The following TNFRSF11A variants were observed in gnomAD, a reference collection of about 807,000 sequenced individuals.
The protein encoded by TNFRSF11A is tumor necrosis factor receptor superfamily member 11A.
TNFRSF11A carries 32 observed loss-of-function variants against 55.7 expected under a neutral mutation model. The observed-to-expected ratio is 0.57, with a 90% CI of 0.43 to 0.77. The LOEUF is 0.77. Among genes scored for constraint, TNFRSF11A ranks in the 30% least tolerant of loss-of-function variants. TNFRSF11A has a pLI of 0.00. For missense variants in TNFRSF11A, 753 were observed against 809.8 expected, an observed-to-expected ratio of 0.93 and a Z score of 0.85; for synonymous variants, 311 against 331.0, an observed-to-expected ratio of 0.94 and a Z score of 0.65.
intron 1 of TNFRSF11A, among the ~76,000 whole-genome samples, chr18:62,330,376 G>A (rs1233203068): frequency 6.6e-6 from 1 of 152,190 alleles, no homozygotes; most frequent in Non-Finnish European, 1.5e-5. Flanking sequence ...TTAGGCTGGG[G>A]GTTCCAGAAT....
At chr18:62,365,374 C>G (rs373933373) in intron 7 of TNFRSF11A, among the ~76,000 whole-genome samples, 1 of 152,140 alleles carries the variant, frequency 6.6e-6, no homozygotes, top group Non-Finnish European at 1.5e-5. Flanking sequence ...TAAAATTTAA[C>G]CTTTTAGGTT....
rs763347757 is a variant in TNFRSF11A at position 62,368,840 on chromosome 18, G to A, written c.923G>A (p.Cys308Tyr). 50 of 1,614,134 alleles carry A rather than the reference G, an allele frequency of 3.1e-5. No individual in the cohort carries two copies. The highest frequency in any genetic ancestry group is 3.8e-5 in the Non-Finnish European group (45 of 1,180,052). The part of the protein sequence containing the change: ...DMCYPDQGGV[C>Y]QGTCVGGGPY... ...TGCTACCCAGATCAAGGTGGTGTCT[G>A]TCAGGGCACATGTGTAGGAGGTGGT... The change falls in exon 9 of 10, where the codon TGT becomes TAT. Residue 308 changes from cysteine (C) to tyrosine (Y), a missense_variant. Transcript: ENST00000586569.
At chr18:62,330,609 G>A (rs1439833438) in intron 1 of TNFRSF11A, among the ~76,000 whole-genome samples, 1 of 152,158 alleles carries the variant, frequency 6.6e-6, no homozygotes, top group Non-Finnish European at 1.5e-5. Flanking sequence ...TAGGGGAAGA[G>A]TGTCCAGGGG....
intron 4 of TNFRSF11A, 22 bp from the exon 5 acceptor site, chr18:62,358,226 T>G (rs766783108): frequency 5.6e-5 from 17 of 305,782 alleles, no homozygotes; most frequent in Admixed American, 5.5e-4. Flanking sequence ...GTCTGGGTTG[T>G]TTTTTTTTTT....
intron 9 of TNFRSF11A, among the ~76,000 whole-genome samples, chr18:62,370,385 G>A (rs1910455516): frequency 6.6e-6 from 1 of 152,194 alleles, no homozygotes; most frequent in Non-Finnish European, 1.5e-5. Context: ...GGGCTTCACA[G>A]AATCCTCCAA....
intron 1 of TNFRSF11A, among the ~76,000 whole-genome samples, chr18:62,337,967 C>CA (rs1161044726): frequency 6.6e-6 from 1 of 152,066 alleles, no homozygotes; most frequent in African/African-American, 2.4e-5. Flanking sequence ...CAGAACTAGG[C>CA]AAAATTAAAT....
chr18:62,365,252 G>C (rs552573083), intron 7 of TNFRSF11A, among the ~76,000 whole-genome samples: 2 of 152,086 alleles, frequency 1.3e-5, no homozygotes, highest in Non-Finnish European at 2.9e-5. Context: ...GTGAGCCACC[G>C]GGTCCAGCCC....
At chr18:62,363,904 C>T (rs1444244449) in intron 7 of TNFRSF11A, among the ~76,000 whole-genome samples, 6 of 152,196 alleles carry the variant, frequency 3.9e-5, no homozygotes, top group East Asian at 1.9e-4. Context: ...AACTGGATGT[C>T]ATGACTGTTA....
At chr18:62,384,607 GGA>G (rs1163487323) in intron 9 of TNFRSF11A, 142 bp from the exon 10 acceptor site, 11 of 881,992 alleles carry the variant, frequency 1.2e-5, no homozygotes, top group Non-Finnish European at 2.0e-5. Flanking sequence ...CAGTGGGCCT[GGA>G]GGGTTACAGT....
At position 62,389,270 on chromosome 18, in the gene TNFRSF11A, C is replaced by A. The variant is rs1036088476; in HGVS notation, c.*4236C>A. On this transcript the variant is annotated 3_prime_UTR_variant, in exon 10 of 10. Coordinates refer to ENST00000586569, the MANE Select transcript of TNFRSF11A (RefSeq NM_003839.4). ...AGGGGCTGTCTGTGGAATTTCTGAC[C>A]CCCAGAGCCCTGCTGGTGAAGTCTT... 5 of 152,272 alleles carry A rather than the reference C, an allele frequency of 3.3e-5. No homozygotes were observed. Among genetic ancestry groups the A allele is most frequent in the African/African-American group, 7.2e-5 (3 of 41,434 alleles). 9.4% of individuals were successfully genotyped at this position (152,272 alleles called of 1,614,324 possible). A position where few individuals can be genotyped will look rare whatever the true frequency, so the allele number is the denominator to read the frequency against.
At chr18:62,346,875 G>A (rs767898875) in intron 1 of TNFRSF11A, among the ~76,000 whole-genome samples, 1 of 152,208 alleles carries the variant, frequency 6.6e-6, no homozygotes, top group Non-Finnish European at 1.5e-5. Flanking sequence ...GACTGCCTTT[G>A]TGACACTGGG....
In TNFRSF11A at chr18:62,385,341, T is replaced by G; in HGVS notation, c.*307T>G. 15 of 188,146 alleles carry G rather than the reference T, an allele frequency of 8.0e-5. No homozygotes were observed. The highest frequency in any genetic ancestry group is 1.3e-4 in the East Asian group (1 of 7,836). The allele number at this position is 188,146 out of a possible 1,614,324, so 11.7% of individuals were successfully genotyped here. A position where few individuals can be genotyped will look rare whatever the true frequency, so the allele number is the denominator to read the frequency against. ...AGCTATTTTTATGACTATCCTGTTC[T>G]GTGGGGGGGGGGGTCTGTTTTCCCC... On this transcript the variant is annotated 3_prime_UTR_variant, in exon 10 of 10. Coordinates refer to ENST00000586569, the MANE Select transcript of TNFRSF11A (RefSeq NM_003839.4).
chr18:62,377,077 C>A (rs1330756982), intron 9 of TNFRSF11A, among the ~76,000 whole-genome samples: 1 of 152,086 alleles, frequency 6.6e-6, no homozygotes, highest in Admixed American at 6.6e-5. Flanking sequence ...CCATGCCCAG[C>A]AAATTTTTTG....
At chr18:62,347,124 G>A (rs1944316381) in intron 1 of TNFRSF11A, among the ~76,000 whole-genome samples, 1 of 152,110 alleles carries the variant, frequency 6.6e-6, no homozygotes, top group African/African-American at 2.4e-5. Context: ...GCTGAGGTAG[G>A]GCCCATCTGG....
chr18:62,337,428 A>G (rs754111889), intron 1 of TNFRSF11A, among the ~76,000 whole-genome samples: 4 of 152,206 alleles, frequency 2.6e-5, no homozygotes, highest in Non-Finnish European at 4.4e-5. Flanking sequence ...GTATGGGTGT[A>G]TATTAACTCA....
In TNFRSF11A at chr18:62,325,505, C is replaced by A; in HGVS notation, c.75+78C>A. 1.0e-6 allele frequency: 1 copy of A among 987,334 alleles called. No individual in the cohort carries two copies. The highest frequency in any genetic ancestry group is 1.3e-6 in the Non-Finnish European group (1 of 779,856). The allele number at this position is 987,334 out of a possible 1,614,324, so 61.2% of individuals were successfully genotyped here. A position where few individuals can be genotyped will look rare whatever the true frequency, so the allele number is the denominator to read the frequency against. ...CCCCGGGAAGGGCCGGGGCCGGCGG[C>A]ATCCTGGCTCCTCCGCCTTCCGAGA... On this transcript the variant is annotated intron_variant, in intron 1 of 9. Coordinates refer to ENST00000586569, the MANE Select transcript of TNFRSF11A (RefSeq NM_003839.4). The surrounding 1 kb of genome is among the most constrained non-coding windows in gnomAD (Gnocchi z 4.7).
At chr18:62,340,516 A>G (rs1290682764) in intron 1 of TNFRSF11A, among the ~76,000 whole-genome samples, 1 of 151,772 alleles carries the variant, frequency 6.6e-6, no homozygotes, top group African/African-American at 2.4e-5. Context: ...AATCAATTAT[A>G]ATATTGTTTG....
chr18:62,344,062 G>A (rs2046349421), intron 1 of TNFRSF11A, among the ~76,000 whole-genome samples: 2 of 152,204 alleles, frequency 1.3e-5, no homozygotes, highest in Admixed American at 1.3e-4. Flanking sequence ...CGGCTGTGAT[G>A]TAGAATAGGC....
At chr18:62,356,532 A>G (rs1909269073) in intron 4 of TNFRSF11A, among the ~76,000 whole-genome samples, 1 of 152,200 alleles carries the variant, frequency 6.6e-6, no homozygotes, top group South Asian at 2.1e-4. Flanking sequence ...TCATTTTTGG[A>G]CAAAATAGGT....
Sources: allele counts gnomAD v4.1 joint callset (sites outside exome capture counted in the v4.1 genomes callset), GRCh38; gene constraint gnomAD v4.1.1; non-coding constraint Gnocchi (gnomAD v3.1); transcripts MANE v1.5; gene names NCBI Gene and HGNC (gene_info 2026-07-23, HGNC 2026-07-21).